The following LIPI variants were observed in gnomAD, a reference collection of about 807,000 sequenced individuals.
The protein encoded by LIPI is lipase member I.
A neutral mutation model predicts 50.6 loss-of-function variants in LIPI; 59 were observed. That is an observed-to-expected ratio of 1.16 (90% CI 0.94 to 1.45). LIPI has a LOEUF of 1.45. Ranked by LOEUF, LIPI falls within the 40% of genes most tolerant of loss-of-function variation. LIPI has a pLI of 0.00. For missense variants in LIPI, 586 were observed against 536.3 expected, an observed-to-expected ratio of 1.09 and a Z score of -0.92; for synonymous variants, 203 against 178.2, an observed-to-expected ratio of 1.14 and a Z score of -1.11.
intron 9 of LIPI, among the ~76,000 whole-genome samples, chr21:14,125,986 C>A (rs965222448): frequency 2.0e-5 from 3 of 151,790 alleles, no homozygotes; most frequent in African/African-American, 4.8e-5. Context: ...AAATGAGATA[C>A]CTCTACACAC....
intron 9 of LIPI, among the ~76,000 whole-genome samples, chr21:14,128,652 A>C (rs76164511): frequency 0.027 from 4,139 of 150,978 alleles, 180 homozygotes; most frequent in African/African-American, 0.091. Context: ...AGAAATCATC[A>C]ATCTTAGGTA....
chr21:14,117,932 G>A (rs2016716899), intron 9 of LIPI, among the ~76,000 whole-genome samples: 1 of 152,000 alleles, frequency 6.6e-6, no homozygotes. Flanking sequence ...TTTGCAAGAG[G>A]ACATGAATGT....
At chr21:14,196,404 G>A (rs895937388) in intron 1 of LIPI, among the ~76,000 whole-genome samples, 6 of 152,074 alleles carry the variant, frequency 3.9e-5, no homozygotes, top group African/African-American at 4.8e-5. Flanking sequence ...GGGTTATATC[G>A]AACCAGAGGT....
chr21:14,185,725 C>A (rs1277491700), intron 3 of LIPI, among the ~76,000 whole-genome samples: 1 of 151,602 alleles, frequency 6.6e-6, no homozygotes, highest in East Asian at 1.9e-4. Context: ...TTAAAAAAAA[C>A]AAAAATTAGC....
chr21:14,164,479 T>C (rs2018606838), intron 6 of LIPI, among the ~76,000 whole-genome samples: 2 of 152,192 alleles, frequency 1.3e-5, no homozygotes, highest in African/African-American at 2.4e-5. Flanking sequence ...CTTCAGCAGT[T>C]GGTTTAATTT....
intron 4 of LIPI, among the ~76,000 whole-genome samples, chr21:14,168,876 T>A (rs1019080841): frequency 6.6e-6 from 1 of 152,004 alleles, no homozygotes; most frequent in Non-Finnish European, 1.5e-5. Flanking sequence ...TAACTTTAAA[T>A]GTAAATGGAC....
chr21:14,209,599 T>C (rs1372431157), intron 1 of LIPI, among the ~76,000 whole-genome samples: 2 of 152,186 alleles, frequency 1.3e-5, no homozygotes, highest in Non-Finnish European at 2.9e-5. Flanking sequence ...TCTACTATTG[T>C]ATTTTAATCA....
intron 9 of LIPI, 79 bp downstream of exon 9, chr21:14,144,544 T>C: frequency 1.3e-6 from 1 of 746,950 alleles, no homozygotes; most frequent in Admixed American, 2.2e-5. Context: ...AATACATGAA[T>C]TTTTAAACCA....
chr21:14,167,251 T>G (rs1400464843), intron 4 of LIPI, among the ~76,000 whole-genome samples: 1 of 152,230 alleles, frequency 6.6e-6, no homozygotes, highest in Non-Finnish European at 1.5e-5. Context: ...CAAGGAGGCC[T>G]GCCTGCCTCT....
intron 7 of LIPI, among the ~76,000 whole-genome samples, chr21:14,160,161 G>A (rs28850941): frequency 0.27 from 40,307 of 150,772 alleles, 5,535 homozygotes; most frequent in Middle Eastern, 0.33. Flanking sequence ...ACATACACTA[G>A]AAGATCTAAA....
At chr21:14,176,988 A>G (rs1252038187) in intron 4 of LIPI, among the ~76,000 whole-genome samples, 1 of 152,090 alleles carries the variant, frequency 6.6e-6, no homozygotes, top group Non-Finnish European at 1.5e-5. Context: ...GTGTTTCAGA[A>G]GACTGTAAAT....
chr21:14,129,376 C>G (rs867048919), intron 9 of LIPI, among the ~76,000 whole-genome samples: 3 of 151,774 alleles, frequency 2.0e-5, no homozygotes, highest in African/African-American at 4.8e-5. Flanking sequence ...ATATCTTAAT[C>G]AAATTTTGTT....
intron 6 of LIPI, among the ~76,000 whole-genome samples, chr21:14,164,768 G>A (rs1002208865): frequency 6.6e-6 from 1 of 152,016 alleles, no homozygotes; most frequent in Non-Finnish European, 1.5e-5. Flanking sequence ...CATTTAGAAG[G>A]TATGAACCAT....
At chr21:14,174,006 C>T (rs1489827926) in intron 4 of LIPI, among the ~76,000 whole-genome samples, 2 of 152,036 alleles carry the variant, frequency 1.3e-5, no homozygotes, top group Non-Finnish European at 2.9e-5. Flanking sequence ...GTTTTTAAAA[C>T]AAGAAAAAAA....
intron 3 of LIPI, among the ~76,000 whole-genome samples, chr21:14,185,706 T>A (rs1600915005): frequency 6.6e-6 from 1 of 151,878 alleles, no homozygotes. Flanking sequence ...GGTGAAACCC[T>A]GTCTCTACTT....
chr21:14,187,354 A>G (rs929000033), intron 2 of LIPI, among the ~76,000 whole-genome samples: 1 of 152,118 alleles, frequency 6.6e-6, no homozygotes, highest in Non-Finnish European at 1.5e-5. Flanking sequence ...AGCGCTTGCC[A>G]CTAATGAAAA....
chr21:14,144,584 A>T, intron 9 of LIPI, 39 bp downstream of exon 9: 1 of 1,145,132 alleles, frequency 8.7e-7, no homozygotes. Context: ...TTTCAAGTTT[A>T]AAAGATAACA....
chr21:14,180,354 T>A (rs1568871290), intron 4 of LIPI, among the ~76,000 whole-genome samples: 1 of 152,200 alleles, frequency 6.6e-6, no homozygotes, highest in African/African-American at 2.4e-5. Context: ...CTTCCCTTTT[T>A]AAAACCCTTA....
At chr21:14,164,983 G>T (rs1171130432) in intron 6 of LIPI, among the ~76,000 whole-genome samples, 2 of 152,104 alleles carry the variant, frequency 1.3e-5, no homozygotes, top group African/African-American at 4.8e-5. Flanking sequence ...CATCTAATCT[G>T]CCCACTACAC....
Sources: allele counts gnomAD v4.1 joint callset (sites outside exome capture counted in the v4.1 genomes callset), GRCh38; gene constraint gnomAD v4.1.1; transcripts MANE v1.5; gene names NCBI Gene and HGNC (gene_info 2026-07-23, HGNC 2026-07-21).